EEFSEC: variants seen among roughly 807,000 people sequenced by gnomAD.
EEFSEC encodes selenocysteine-specific elongation factor.
A neutral mutation model predicts 42.1 loss-of-function variants in EEFSEC; 43 were observed. The observed-to-expected ratio is 1.02, with a 90% CI of 0.80 to 1.32. The LOEUF is 1.32. Ranked by LOEUF, EEFSEC falls within the 40% of genes most tolerant of loss-of-function variation. The pLI, the probability that EEFSEC is intolerant of heterozygous loss-of-function variation, is 0.00. For synonymous variants in EEFSEC, 354 were observed against 339.1 expected, an observed-to-expected ratio of 1.04 and a Z score of -0.48; for missense variants, 745 against 803.6, an observed-to-expected ratio of 0.93 and a Z score of 0.88.
chr3:128,183,022 G>T (rs1380296182), intron 1 of EEFSEC, among the ~76,000 whole-genome samples: 1 of 152,076 alleles, frequency 6.6e-6, no homozygotes, highest in Non-Finnish European at 1.5e-5. Context: ...GCTGATCCAG[G>T]CCTGAATTCT....
chr3:128,341,876 GCCTTGTGGAGCGGGTGAGCATGC>G lies in EEFSEC; in HGVS notation c.1436_1443+15del. ...GTGTACAAGCTGAAGCACAAGCATG[GCCTTGTGGAGCGGGTGAGCATGC>G]CCTTGCCTGGCCCCACACCCCTTCC... On this transcript the variant is annotated splice_donor_variant and splice_donor_5th_base_variant and coding_sequence_variant and intron_variant, in exon 5 of 7. Transcript: ENST00000254730. LOFTEE classifies it high-confidence loss of function. 6.2e-7 allele frequency: 1 copy of G among 1,612,976 alleles called. No individual in the cohort carries two copies. The highest frequency in any genetic ancestry group is 8.5e-7 in the Non-Finnish European group (1 of 1,179,606).
chr3:128,263,713 C>T (rs1299922498), intron 3 of EEFSEC, among the ~76,000 whole-genome samples: 13 of 152,204 alleles, frequency 8.5e-5, no homozygotes, highest in Non-Finnish European at 1.9e-4. Flanking sequence ...ACAGCCTGTT[C>T]CCTTACGAAG....
intron 1 of EEFSEC, among the ~76,000 whole-genome samples, chr3:128,186,535 C>T (rs1316780980): frequency 6.6e-6 from 1 of 152,118 alleles, no homozygotes; most frequent in Non-Finnish European, 1.5e-5. Context: ...ATGTTTTCTT[C>T]TCAGTTTTAT....
intron 1 of EEFSEC, among the ~76,000 whole-genome samples, chr3:128,234,480 C>T (rs1023291759): frequency 3.3e-5 from 5 of 152,268 alleles, no homozygotes; most frequent in Admixed American, 6.5e-5. Flanking sequence ...TCCTTGCATA[C>T]GACAGCATGG....
chr3:128,310,681 C>A (rs114935996), intron 4 of EEFSEC, among the ~76,000 whole-genome samples: 1 of 152,386 alleles, frequency 6.6e-6, no homozygotes, highest in African/African-American at 2.4e-5. Flanking sequence ...GTATCCTTAC[C>A]TCCTGACTTC....
At chr3:128,230,807 C>G (rs1426075728) in intron 1 of EEFSEC, among the ~76,000 whole-genome samples, 2 of 152,200 alleles carry the variant, frequency 1.3e-5, no homozygotes, top group Non-Finnish European at 2.9e-5. Context: ...TCTCCCCACA[C>G]ACCTTGCCCT....
At chr3:128,402,592 A>G (rs2068061174) in intron 6 of EEFSEC, among the ~76,000 whole-genome samples, 1 of 152,232 alleles carries the variant, frequency 6.6e-6, no homozygotes, top group Admixed American at 6.5e-5. Flanking sequence ...TTTCCTCAAC[A>G]CGGTGTTACG....
chr3:128,275,649 C>G (rs2066460203), intron 4 of EEFSEC, among the ~76,000 whole-genome samples: 1 of 152,212 alleles, frequency 6.6e-6, no homozygotes, highest in Non-Finnish European at 1.5e-5. Context: ...AACCCTGCTT[C>G]CCAGGCAAGG....
chr3:128,372,463 T>A (rs574690706), intron 6 of EEFSEC, among the ~76,000 whole-genome samples: 1 of 152,308 alleles, frequency 6.6e-6, no homozygotes, highest in African/African-American at 2.4e-5. Flanking sequence ...TGATTTGGAT[T>A]CACCACAACA....
At chr3:128,259,136 A>G (rs1263498738) in intron 2 of EEFSEC, among the ~76,000 whole-genome samples, 1 of 152,178 alleles carries the variant, frequency 6.6e-6, no homozygotes, top group Admixed American at 6.5e-5. Flanking sequence ...AATTGCTTGT[A>G]CCATTGGTGC....
At chr3:128,398,531 G>T (rs1172257003) in intron 6 of EEFSEC, among the ~76,000 whole-genome samples, 2 of 152,160 alleles carry the variant, frequency 1.3e-5, no homozygotes, top group African/African-American at 4.8e-5. Flanking sequence ...TGTCCTAGAA[G>T]AATCTCTGGC....
chr3:128,414,862 G>A, the EEFSEC span, among the ~76,000 whole-genome samples: 3 of 152,152 alleles, frequency 2.0e-5, no homozygotes, highest in Admixed American at 6.5e-5. Context: ...GGGTGCGAGT[G>A]GGGCCATGGC....
intron 1 of EEFSEC, among the ~76,000 whole-genome samples, chr3:128,180,062 A>G (rs149732836): frequency 3.9e-4 from 59 of 152,030 alleles, no homozygotes; most frequent in African/African-American, 1.4e-3. Context: ...CATTATGCTT[A>G]GCATAGAGGA....
At chr3:128,343,970 G>A (rs1342181961) in intron 5 of EEFSEC, among the ~76,000 whole-genome samples, 1 of 152,242 alleles carries the variant, frequency 6.6e-6, no homozygotes, top group Non-Finnish European at 1.5e-5. Flanking sequence ...GCCTCACAGG[G>A]TGACTGTGGA....
chr3:128,359,081 C>T (rs548244467), intron 6 of EEFSEC, among the ~76,000 whole-genome samples: 6 of 152,124 alleles, frequency 3.9e-5, no homozygotes, highest in African/African-American at 7.2e-5. Context: ...GTAGGCACCA[C>T]GTAGAAAGAT....
chr3:128,170,413 T>C (rs955754679), intron 1 of EEFSEC, among the ~76,000 whole-genome samples: 2 of 126,570 alleles, frequency 1.6e-5, no homozygotes, highest in African/African-American at 6.0e-5. Context: ...ACTACAAAAA[T>C]TAGCCATGCG....
intron 4 of EEFSEC, among the ~76,000 whole-genome samples, chr3:128,315,307 A>G (rs940338301): frequency 7.9e-5 from 12 of 152,192 alleles, no homozygotes; most frequent in African/African-American, 2.7e-4. Flanking sequence ...GTCAGATATC[A>G]CTATTATTAT....
intron 2 of EEFSEC, among the ~76,000 whole-genome samples, chr3:128,255,978 T>A (rs1329068364): frequency 6.6e-6 from 1 of 151,846 alleles, no homozygotes; most frequent in African/African-American, 2.4e-5. Context: ...TTTGGGGCTA[T>A]AGTGGGGGAA....
intron 4 of EEFSEC, among the ~76,000 whole-genome samples, chr3:128,333,377 C>A (rs937324916): frequency 6.6e-6 from 1 of 152,172 alleles, no homozygotes; most frequent in African/African-American, 2.4e-5. Flanking sequence ...AGAAGGAGTG[C>A]CCATGTTAGT....
Sources: allele counts gnomAD v4.1 joint callset (sites outside exome capture counted in the v4.1 genomes callset), GRCh38; gene constraint gnomAD v4.1.1; transcripts MANE v1.5; gene names NCBI Gene and HGNC (gene_info 2026-07-23, HGNC 2026-07-21).